CDH4: variants seen among roughly 807,000 people sequenced by gnomAD.
CDH4 encodes cadherin 4.
Under a neutral mutation model 86.0 loss-of-function variants are expected in CDH4, and 33 were observed. That is an observed-to-expected ratio of 0.38 (90% CI 0.29 to 0.51). The LOEUF (loss-of-function observed/expected upper bound fraction) is 0.51. Ranked by LOEUF, CDH4 falls within the 20% of genes least tolerant of loss-of-function variation. CDH4 has a pLI of 0.86. For synonymous variants in CDH4, 555 were observed against 549.4 expected, an observed-to-expected ratio of 1.01 and a Z score of -0.14; for missense variants, 1,114 against 1,307.4, an observed-to-expected ratio of 0.85 and a Z score of 2.28.
intron 2 of CDH4, among the ~76,000 whole-genome samples, chr20:61,262,356 A>G (rs2084132454): frequency 6.6e-6 from 1 of 152,108 alleles, no homozygotes; most frequent in Non-Finnish European, 1.5e-5. Flanking sequence ...AACTTGAAAC[A>G]GTCTGAAGAT....
chr20:61,874,900 C>T (rs922641113), intron 7 of CDH4, among the ~76,000 whole-genome samples: 2 of 152,220 alleles, frequency 1.3e-5, no homozygotes, highest in Non-Finnish European at 2.9e-5. Flanking sequence ...GAGGCCACAG[C>T]GCCACTTTCT....
chr20:61,651,743 TC>T (rs1302687636), intron 2 of CDH4, among the ~76,000 whole-genome samples: 3 of 152,260 alleles, frequency 2.0e-5, no homozygotes, highest in Non-Finnish European at 4.4e-5. Context: ...TCATTTATTT[TC>T]TAGTGATATC....
intron 2 of CDH4, among the ~76,000 whole-genome samples, chr20:61,600,572 C>G (rs1415476026): frequency 6.6e-6 from 1 of 152,162 alleles, no homozygotes; most frequent in Non-Finnish European, 1.5e-5. Context: ...GTGCCTCAGC[C>G]CAGGAAGCAC....
intron 2 of CDH4, among the ~76,000 whole-genome samples, chr20:61,380,774 G>A (rs1265886557): frequency 6.6e-6 from 1 of 152,186 alleles, no homozygotes; most frequent in Non-Finnish European, 1.5e-5. Context: ...CTGAAAGAGG[G>A]TGTGGGACTT....
chr20:61,430,177 T>TG (rs1263603738), intron 2 of CDH4, among the ~76,000 whole-genome samples: 1 of 152,226 alleles, frequency 6.6e-6, no homozygotes, highest in Non-Finnish European at 1.5e-5. Flanking sequence ...CCATCTCTCT[T>TG]GCAACAACAG....
intron 8 of CDH4, among the ~76,000 whole-genome samples, chr20:61,901,409 A>G (rs1471232162): frequency 6.6e-6 from 1 of 152,260 alleles, no homozygotes; most frequent in Non-Finnish European, 1.5e-5. Context: ...TGTGGTTTGT[A>G]GGTTTACGCT....
chr20:61,566,139 A>G (rs1568689649), intron 2 of CDH4, among the ~76,000 whole-genome samples: 1 of 151,038 alleles, frequency 6.6e-6, no homozygotes, highest in Non-Finnish European at 1.5e-5. Context: ...TCCCCGACAG[A>G]CTCACCCACT....
rs1383104460 is a variant in CDH4 at position 61,676,335 on chromosome 20, C to T, written c.170-67228C>T. Among the ~76,000 whole-genome samples, 2 of 152,192 alleles carry T rather than the reference C, an allele frequency of 1.3e-5. No individual in the cohort carries two copies. The highest frequency in any genetic ancestry group is 2.9e-5 in the Non-Finnish European group (2 of 68,032). On this transcript the variant is annotated intron_variant, in intron 2 of 15. Coordinates refer to ENST00000614565, the MANE Select transcript of CDH4 (RefSeq NM_001794.5). This position sits in a 1 kb window ranked among gnomAD's most constrained non-coding sequence, Gnocchi z 4.5. Reference sequence around the variant, plus strand: ...TAGTGCGATTGAATACTGCGGCCCCCAGAGGAGGTGGGATTGCATTAGCAC... The same window carrying T: ...TAGTGCGATTGAATACTGCGGCCCCTAGAGGAGGTGGGATTGCATTAGCAC...
intron 3 of CDH4, among the ~76,000 whole-genome samples, chr20:61,757,165 C>T (rs978795859): frequency 1.3e-5 from 2 of 152,190 alleles, no homozygotes; most frequent in African/African-American, 4.8e-5. Flanking sequence ...GTGCAGATTC[C>T]ATGGCCCCTG....
At chr20:61,627,696 C>T (rs1396347121) in intron 2 of CDH4, among the ~76,000 whole-genome samples, 1 of 151,464 alleles carries the variant, frequency 6.6e-6, no homozygotes, top group Non-Finnish European at 1.5e-5. Flanking sequence ...CAGTGCCTCC[C>T]GCCCCCCGAC....
chr20:61,471,108 A>G (rs1228570232), intron 2 of CDH4, among the ~76,000 whole-genome samples: 1 of 151,926 alleles, frequency 6.6e-6, no homozygotes, highest in Non-Finnish European at 1.5e-5. Context: ...TTTAAGTAGG[A>G]TTGATATTAG....
At chr20:61,717,442 GT>G in intron 2 of CDH4, 1 of 118,848 alleles carries the variant, frequency 8.4e-6, no homozygotes, top group South Asian at 2.3e-4. Context: ...ATTTCGTGGG[GT>G]TTTTTTGGTT....
chr20:61,673,826 A>G (rs1402084741), intron 2 of CDH4, among the ~76,000 whole-genome samples: 2 of 152,240 alleles, frequency 1.3e-5, no homozygotes, highest in Admixed American at 6.5e-5. Context: ...GGGAAATAAA[A>G]ATCACATCTC....
At chr20:61,853,023 G>A in intron 6 of CDH4, 125 bp downstream of exon 6, 1 of 987,096 alleles carries the variant, frequency 1.0e-6, no homozygotes, top group Non-Finnish European at 1.5e-6. Flanking sequence ...CTTGGGCGCA[G>A]ACACACAGCA....
At chr20:61,686,330 C>A (rs1211240172) in intron 2 of CDH4, among the ~76,000 whole-genome samples, 1 of 152,216 alleles carries the variant, frequency 6.6e-6, no homozygotes, top group Non-Finnish European at 1.5e-5. Flanking sequence ...AGAGAACAAG[C>A]CCAACTGTGC....
chr20:61,666,426 G>A (rs1774642839), intron 2 of CDH4, among the ~76,000 whole-genome samples: 1 of 152,220 alleles, frequency 6.6e-6, no homozygotes, highest in Admixed American at 6.5e-5. Context: ...TGGTGCTGGA[G>A]CCAATCCCAC....
intron 2 of CDH4, among the ~76,000 whole-genome samples, chr20:61,323,956 A>G (rs2084523481): frequency 6.6e-6 from 1 of 152,172 alleles, no homozygotes; most frequent in African/African-American, 2.4e-5. Flanking sequence ...AAGTTACGGG[A>G]AAATATTAGC....
At chr20:61,822,905 CA>C (rs78728941) in intron 4 of CDH4, among the ~76,000 whole-genome samples, 6,544 of 152,230 alleles carry the variant, frequency 0.043, 170 homozygotes, top group East Asian at 0.066. Flanking sequence ...TCGAAGATCC[CA>C]GGTAACCCAA....
Position 61,643,275 on chromosome 20 carries a change from T to C in CDH4, c.170-100288T>C, listed in dbSNP as rs111737733. Among the ~76,000 whole-genome samples, 60 of 152,296 alleles carry C rather than the reference T, an allele frequency of 3.9e-4. No homozygotes were observed. The South Asian group carries it at 4.8e-3, about 12-fold the overall frequency. On this transcript the variant is annotated intron_variant, in intron 2 of 15. Coordinates refer to ENST00000614565, the MANE Select transcript of CDH4 (RefSeq NM_001794.5). Reference sequence around the variant, plus strand: ...TTTCGTGGTAACGACCCCACCCCTGTGATAACCTATTAGTCTGTTAATCCA... The same window carrying C: ...TTTCGTGGTAACGACCCCACCCCTGCGATAACCTATTAGTCTGTTAATCCA...
Sources: allele counts gnomAD v4.1 joint callset (sites outside exome capture counted in the v4.1 genomes callset), GRCh38; gene constraint gnomAD v4.1.1; non-coding constraint Gnocchi (gnomAD v3.1); transcripts MANE v1.5; gene names NCBI Gene and HGNC (gene_info 2026-07-23, HGNC 2026-07-21).